Variants in TMEM178B observed in about 807,000 individuals in gnomAD.
TMEM178B encodes transmembrane protein 178B.
Under a neutral mutation model 31.0 loss-of-function variants are expected in TMEM178B, and 5 were observed. The ratio of observed to expected loss-of-function variants is 0.16; its 90% CI spans 0.08 to 0.34. The LOEUF (loss-of-function observed/expected upper bound fraction) is 0.34, where lower values mean the gene tolerates loss of function less well. Ranked by LOEUF, TMEM178B falls within the 10% of genes least tolerant of loss-of-function variation. The pLI, the probability that TMEM178B is intolerant of heterozygous loss-of-function variation, is 1.00. For missense variants in TMEM178B, 275 were observed against 400.3 expected (o/e 0.69, Z 2.67); for synonymous variants, 164 against 164.0 (o/e 1.00, Z 0.00).
At chr7:141,128,735 C>T (rs1371067101) in intron 1 of TMEM178B, among the ~76,000 whole-genome samples, 1 of 152,088 alleles carries the variant, frequency 6.6e-6, no homozygotes, top group Admixed American at 6.5e-5. Flanking sequence ...ATTCCCACAT[C>T]ACTTCTCCTG....
chr7:141,460,323 G>A (rs1183949768), intron 3 of TMEM178B, among the ~76,000 whole-genome samples: 2 of 152,160 alleles, frequency 1.3e-5, no homozygotes, highest in African/African-American at 4.8e-5. Context: ...GCGTGTGCAC[G>A]CACCTGGTGT....
At chr7:141,424,313 G>A (rs565161870) in intron 2 of TMEM178B, among the ~76,000 whole-genome samples, 1 of 152,340 alleles carries the variant, frequency 6.6e-6, no homozygotes, top group East Asian at 1.9e-4. Context: ...ATCAGCCAGT[G>A]TTGGCCTGCA....
chr7:141,398,626 T>G (rs1258932588), intron 2 of TMEM178B, among the ~76,000 whole-genome samples: 1 of 152,108 alleles, frequency 6.6e-6, no homozygotes, highest in Non-Finnish European at 1.5e-5. Context: ...ACATGGGAGG[T>G]AAATTTGACT....
At chr7:141,401,229 C>A (rs1051368929) in intron 2 of TMEM178B, among the ~76,000 whole-genome samples, 4 of 152,134 alleles carry the variant, frequency 2.6e-5, no homozygotes, top group Non-Finnish European at 5.9e-5. Context: ...TGAGGGAACC[C>A]ACTAAGATGG....
chr7:141,252,107 G>C (rs1003943148), intron 2 of TMEM178B, among the ~76,000 whole-genome samples: 2 of 152,208 alleles, frequency 1.3e-5, no homozygotes, highest in African/African-American at 4.8e-5. Context: ...GAAGTCACTA[G>C]AAGTACTAAT....
intron 3 of TMEM178B, among the ~76,000 whole-genome samples, chr7:141,438,289 G>A (rs146618119): frequency 3.8e-4 from 58 of 152,188 alleles, no homozygotes; most frequent in African/African-American, 1.3e-3. Flanking sequence ...ACCGTCATGT[G>A]CATAGGACCA....
At chr7:141,198,055 CCT>C (rs3035739) in intron 1 of TMEM178B, among the ~76,000 whole-genome samples, 1 of 151,564 alleles carries the variant, frequency 6.6e-6, no homozygotes, top group Non-Finnish European at 1.5e-5. Flanking sequence ...CTCTTCTTTC[CCT>C]CTCTCTCTCT....
At chr7:141,283,453 C>T (rs1044864279) in intron 2 of TMEM178B, among the ~76,000 whole-genome samples, 3 of 152,210 alleles carry the variant, frequency 2.0e-5, no homozygotes, top group Non-Finnish European at 1.5e-5. Context: ...ATTTACCATC[C>T]TGTGTCCTGC....
intron 1 of TMEM178B, among the ~76,000 whole-genome samples, chr7:141,155,538 A>C (rs918612008): frequency 1.3e-5 from 2 of 152,296 alleles, no homozygotes; most frequent in African/African-American, 4.8e-5. Context: ...GGCTGGCTCC[A>C]GCACATCATC....
At chr7:141,201,067 T>A (rs1330847705) in intron 1 of TMEM178B, among the ~76,000 whole-genome samples, 2 of 151,812 alleles carry the variant, frequency 1.3e-5, no homozygotes, top group Non-Finnish European at 2.9e-5. Context: ...ACCAAAATAT[T>A]AAAAAAAACT....
chr7:141,450,369 T>C (rs1431011170), intron 3 of TMEM178B, among the ~76,000 whole-genome samples: 1 of 152,162 alleles, frequency 6.6e-6, no homozygotes, highest in Non-Finnish European at 1.5e-5. Flanking sequence ...GAAAATAAAA[T>C]CAAACCCATC....
chr7:141,311,968 G>T (rs536936710), intron 2 of TMEM178B, among the ~76,000 whole-genome samples: 1 of 152,182 alleles, frequency 6.6e-6, no homozygotes. Flanking sequence ...GATTAGCACC[G>T]TTGAAATACA....
intron 2 of TMEM178B, among the ~76,000 whole-genome samples, chr7:141,242,701 A>G (rs115964093): frequency 0.019 from 2,826 of 151,762 alleles, 73 homozygotes; most frequent in African/African-American, 0.064. Context: ...TCACCATGCC[A>G]GGCTAATTTT....
At chr7:141,245,170 C>CAAAAAAAAAAAAAAA (rs59281560) in intron 2 of TMEM178B, among the ~76,000 whole-genome samples, 6 of 23,110 alleles carry the variant, frequency 2.6e-4, no homozygotes, top group East Asian at 9.8e-4. Context: ...ACTCCATCAC[C>CAAAAAAAAAAAAAAA]AAAAAAAAAA....
At chr7:141,214,919 C>T (rs1231193439) in intron 2 of TMEM178B, among the ~76,000 whole-genome samples, 1 of 152,138 alleles carries the variant, frequency 6.6e-6, no homozygotes, top group African/African-American at 2.4e-5. Flanking sequence ...GTGAGGGATT[C>T]ATCTGCCTCT....
At chr7:141,130,033 T>C (rs1795569223) in intron 1 of TMEM178B, among the ~76,000 whole-genome samples, 1 of 152,206 alleles carries the variant, frequency 6.6e-6, no homozygotes, top group Non-Finnish European at 1.5e-5. Flanking sequence ...AGATGACCGA[T>C]GTTTCCTATT....
intron 2 of TMEM178B, among the ~76,000 whole-genome samples, chr7:141,261,337 A>G (rs898110461): frequency 6.6e-6 from 1 of 151,982 alleles, no homozygotes; most frequent in Non-Finnish European, 1.5e-5. Context: ...TTGTCTCCCA[A>G]AGCCATTTGA....
intron 2 of TMEM178B, among the ~76,000 whole-genome samples, chr7:141,354,916 G>A (rs1260991309): frequency 6.6e-6 from 1 of 152,114 alleles, no homozygotes; most frequent in African/African-American, 2.4e-5. Context: ...ATCCTGTTTA[G>A]CAAAATGTTT....
At chr7:141,416,075 G>C (rs900083101) in intron 2 of TMEM178B, 1 of 152,854 alleles carries the variant, frequency 6.5e-6, no homozygotes, top group African/African-American at 2.4e-5. Flanking sequence ...GAAGGAGCCA[G>C]GTTTCTGCTT....
Sources: gnomAD v4.1 joint callset for allele counts (sites outside exome capture counted in the v4.1 genomes callset) on GRCh38, gnomAD v4.1.1 for gene constraint, MANE v1.5 for transcripts, NCBI Gene and HGNC (gene_info 2026-07-23, HGNC 2026-07-21) for gene names.